Variants in RBM46 observed in about 807,000 individuals in gnomAD.
The protein encoded by RBM46 is RNA binding motif protein 46.
A neutral mutation model predicts 43.3 loss-of-function variants in RBM46; 12 were observed. The observed-to-expected ratio is 0.28, with a 90% CI of 0.18 to 0.45. The LOEUF (loss-of-function observed/expected upper bound fraction) is 0.45. RBM46 is among the 20% of genes least tolerant of loss of function. The probability of loss-of-function intolerance (pLI) is 1.00; values close to 1 mark genes in which losing one functional copy is unlikely to be tolerated. For synonymous variants in RBM46, 205 were observed against 207.6 expected (o/e 0.99, Z 0.11); for missense variants, 412 against 639.1 (o/e 0.64, Z 3.83).
intron 4 of RBM46, among the ~76,000 whole-genome samples, chr4:154,814,116 T>C (rs777517571): frequency 3.3e-5 from 5 of 151,990 alleles, no homozygotes; most frequent in Non-Finnish European, 7.4e-5. Flanking sequence ...TACTTAGTTT[T>C]CCCTTATTTT....
At chr4:154,784,210 G>A in intron 1 of RBM46, among the ~76,000 whole-genome samples, 1 of 152,192 alleles carries the variant, frequency 6.6e-6, no homozygotes, top group Non-Finnish European at 1.5e-5. Flanking sequence ...ATTATATAAT[G>A]TTCTCTTTCA....
At chr4:154,808,688 C>G (rs911984367) in intron 4 of RBM46, among the ~76,000 whole-genome samples, 16 of 151,946 alleles carry the variant, frequency 1.1e-4, no homozygotes, top group South Asian at 2.1e-4. Context: ...TCCAGGTGAG[C>G]CATTATCAAT....
intron 3 of RBM46, among the ~76,000 whole-genome samples, chr4:154,798,574 G>A (rs1734460766): frequency 6.6e-6 from 1 of 152,096 alleles, no homozygotes; most frequent in African/African-American, 2.4e-5. Context: ...TCTTTGAAGT[G>A]TATTTGTTCT....
At chr4:154,813,522 G>A (rs1362589292) in intron 4 of RBM46, among the ~76,000 whole-genome samples, 1 of 151,948 alleles carries the variant, frequency 6.6e-6, no homozygotes, top group Admixed American at 6.6e-5. Context: ...ACCAAATACA[G>A]TATAGAATAT....
intron 4 of RBM46, among the ~76,000 whole-genome samples, chr4:154,821,217 A>T (rs890185790): frequency 4.6e-5 from 7 of 151,808 alleles, no homozygotes; most frequent in Admixed American, 4.6e-4. Context: ...ACAGATCTTA[A>T]TCTTAGCATA....
At chr4:154,825,923 A>G (rs1490117565) in intron 4 of RBM46, among the ~76,000 whole-genome samples, 1 of 152,210 alleles carries the variant, frequency 6.6e-6, no homozygotes, top group Non-Finnish European at 1.5e-5. Context: ...TGTTTGCAGT[A>G]GCCTGCTCTT....
At chr4:154,816,466 C>T (rs1735448986) in intron 4 of RBM46, among the ~76,000 whole-genome samples, 1 of 152,058 alleles carries the variant, frequency 6.6e-6, no homozygotes. Flanking sequence ...CAGACTTATA[C>T]CTAGTGTTTT....
At chr4:154,790,016 T>C (rs1406461778) in intron 1 of RBM46, among the ~76,000 whole-genome samples, 1 of 152,236 alleles carries the variant, frequency 6.6e-6, no homozygotes, top group Admixed American at 6.5e-5. Flanking sequence ...AGATCGATGG[T>C]GATATCCCCT....
At chr4:154,827,791 T>G in intron 4 of RBM46, 77 bp from the exon 5 acceptor site, 2 of 1,595,028 alleles carry the variant, frequency 1.3e-6, no homozygotes, top group African/African-American at 2.7e-5. Flanking sequence ...GTGATTATTG[T>G]TTAATGCTTT....
chr4:154,811,123 G>T (rs549910726), intron 4 of RBM46, among the ~76,000 whole-genome samples: 14 of 152,284 alleles, frequency 9.2e-5, no homozygotes, highest in African/African-American at 3.1e-4. Flanking sequence ...TAAATGCTCT[G>T]AAGTAGTACG....
intron 4 of RBM46, chr4:154,820,490 T>C: frequency 1.2e-6 from 1 of 849,990 alleles, no homozygotes; most frequent in Non-Finnish European, 1.7e-6. Context: ...AGAAAACCAG[T>C]TTCAAATTGT....
intron 1 of RBM46, among the ~76,000 whole-genome samples, chr4:154,792,670 G>A (rs1734158887): frequency 6.6e-6 from 1 of 152,118 alleles, no homozygotes; most frequent in Non-Finnish European, 1.5e-5. Flanking sequence ...GAGAGGGAGG[G>A]TCAGGGAGGG....
chr4:154,828,717 G>A lies in RBM46; in HGVS notation c.*650G>A, dbSNP rs549293831. 5.9e-5 allele frequency: 9 copies of A among 152,544 alleles called. No individual in the cohort carries two copies. Among genetic ancestry groups the A allele is most frequent in the South Asian group, 4.2e-4 (2 of 4,812 alleles). 9.4% of individuals were successfully genotyped at this position (152,544 alleles called of 1,614,324 possible). A position where few individuals can be genotyped will look rare whatever the true frequency, so the allele number is the denominator to read the frequency against. ...TTGTGTTTTTGATATTCTTTGTATT[G>A]TTAATAACAAGTGTTATGGGTTTTT... On this transcript the variant is annotated 3_prime_UTR_variant, in exon 5 of 5. Coordinates refer to ENST00000281722, the MANE Select transcript of RBM46 (RefSeq NM_144979.5).
chr4:154,796,012 AC>A (rs1337327197), intron 1 of RBM46, among the ~76,000 whole-genome samples: 2 of 152,030 alleles, frequency 1.3e-5, no homozygotes, highest in Non-Finnish European at 2.9e-5. Context: ...CAAAATAAAA[AC>A]AAAAATTAGC....
At chr4:154,802,118 C>T (rs1044059483) in intron 4 of RBM46, among the ~76,000 whole-genome samples, 6 of 152,148 alleles carry the variant, frequency 3.9e-5, no homozygotes, top group African/African-American at 7.2e-5. Context: ...GGTCCTATTT[C>T]GGTGGAGTAC....
intron 4 of RBM46, among the ~76,000 whole-genome samples, chr4:154,802,776 G>A (rs1046344542): frequency 6.6e-6 from 1 of 152,014 alleles, no homozygotes; most frequent in Non-Finnish European, 1.5e-5. Flanking sequence ...TTTCTTTGGG[G>A]ATAGTAATTT....
chr4:154,817,182 A>G (rs1254853614), intron 4 of RBM46, among the ~76,000 whole-genome samples: 3 of 152,212 alleles, frequency 2.0e-5, no homozygotes, highest in African/African-American at 7.2e-5. Flanking sequence ...GTAAGAATTT[A>G]TATAAGATTG....
chr4:154,796,357 T>C (rs1734351242), intron 1 of RBM46, among the ~76,000 whole-genome samples: 1 of 152,180 alleles, frequency 6.6e-6, no homozygotes, highest in South Asian at 2.1e-4. Flanking sequence ...GATGATAAAA[T>C]GATTTAAATT....
chr4:154,790,295 C>T (rs1381957450), intron 1 of RBM46: 1 of 152,130 alleles, frequency 6.6e-6, no homozygotes, highest in Non-Finnish European at 1.5e-5. Context: ...CCTGCTTTCT[C>T]TTGTGGGCAT....
Sources: gnomAD v4.1 joint callset for allele counts (sites outside exome capture counted in the v4.1 genomes callset) on GRCh38, gnomAD v4.1.1 for gene constraint, MANE v1.5 for transcripts, NCBI Gene and HGNC (gene_info 2026-07-23, HGNC 2026-07-21) for gene names.